Variants in TRDN observed in about 807,000 individuals in gnomAD.
TRDN encodes triadin in skeletal muscle.
A neutral mutation model predicts 149.7 loss-of-function variants in TRDN; 161 were observed. The ratio of observed to expected loss-of-function variants is 1.08; its 90% CI spans 0.95 to 1.23. TRDN has a LOEUF of 1.23. Among genes scored for constraint, TRDN ranks in the 50% most tolerant of loss-of-function variants. TRDN has a pLI of 0.00. For synonymous variants in TRDN, 294 were observed against 250.5 expected, an observed-to-expected ratio of 1.17 and a Z score of -1.64; for missense variants, 896 against 823.5, an observed-to-expected ratio of 1.09 and a Z score of -1.08.
At chr6:123,464,365 T>C (rs962016971) in intron 10 of TRDN, 2 of 973,154 alleles carry the variant, frequency 2.1e-6, no homozygotes, top group African/African-American at 1.8e-5. Flanking sequence ...TACATATACA[T>C]AAAACAGTAT....
intron 21 of TRDN, among the ~76,000 whole-genome samples, chr6:123,343,871 T>G (rs1402719727): frequency 6.6e-6 from 1 of 152,058 alleles, no homozygotes; most frequent in Non-Finnish European, 1.5e-5. Context: ...AATTCATATG[T>G]TGAAATCCTA....
chr6:123,249,509 G>A (rs997758176), intron 38 of TRDN, among the ~76,000 whole-genome samples: 1 of 152,064 alleles, frequency 6.6e-6, no homozygotes, highest in Non-Finnish European at 1.5e-5. Context: ...ATTCACAATA[G>A]CAAAGTCATG....
chr6:123,312,075 T>C (rs927942150), intron 24 of TRDN, among the ~76,000 whole-genome samples: 10 of 151,958 alleles, frequency 6.6e-5, no homozygotes, highest in Non-Finnish European at 1.5e-4. Flanking sequence ...CACATTGGCA[T>C]TAGAGAATCT....
intron 1 of TRDN, among the ~76,000 whole-genome samples, chr6:123,597,902 T>C (rs149330043): frequency 6.6e-6 from 1 of 152,278 alleles, no homozygotes; most frequent in African/African-American, 2.4e-5. Flanking sequence ...AATGGCTTTA[T>C]TGCAGTGATC....
At chr6:123,483,806 T>C (rs1326487507) in intron 9 of TRDN, among the ~76,000 whole-genome samples, 1 of 152,192 alleles carries the variant, frequency 6.6e-6, no homozygotes, top group Admixed American at 6.5e-5. Context: ...ACTGCTGAGA[T>C]TGATTAATAG....
chr6:123,631,957 C>G (rs1382194464), intron 1 of TRDN, among the ~76,000 whole-genome samples: 1 of 152,000 alleles, frequency 6.6e-6, no homozygotes, highest in Non-Finnish European at 1.5e-5. Context: ...AAGACAACCA[C>G]AATACGGTTA....
intron 1 of TRDN, among the ~76,000 whole-genome samples, chr6:123,584,955 T>C (rs1312133195): frequency 6.6e-6 from 1 of 151,890 alleles, no homozygotes; most frequent in Non-Finnish European, 1.5e-5. Flanking sequence ...GTAAGGAGAG[T>C]TTATAGGCTT....
rs192672519 is a variant in TRDN, at chr6:123,489,247, A to G, written c.853+7946T>C. Reference sequence around the variant, plus strand: ...AAGCAAAAAAGGGATTTGGGAGAACATGTACATATATATCTTTTAATCATT... The same window carrying G: ...AAGCAAAAAAGGGATTTGGGAGAACGTGTACATATATATCTTTTAATCATT... On this transcript the variant is annotated intron_variant, in intron 9 of 40. Coordinates refer to ENST00000334268, the MANE Select transcript of TRDN (RefSeq NM_006073.4). Among the ~76,000 whole-genome samples, 798 of 152,228 alleles carry G rather than the reference A, an allele frequency of 5.2e-3. 6 individuals carry two copies. Among genetic ancestry groups the G allele is most frequent in the African/African-American group, 0.018 (740 of 41,550 alleles).
intron 22 of TRDN, among the ~76,000 whole-genome samples, chr6:123,336,146 C>T (rs1448294650): frequency 2.0e-5 from 3 of 151,842 alleles, no homozygotes; most frequent in African/African-American, 7.3e-5. Context: ...ATAAGGTCTA[C>T]ACTCAAAGCA....
intron 9 of TRDN, among the ~76,000 whole-genome samples, chr6:123,488,529 T>C (rs1778070859): frequency 6.6e-6 from 1 of 152,160 alleles, no homozygotes. Context: ...ATCTTTTACT[T>C]TCCTATCTTT....
intron 12 of TRDN, among the ~76,000 whole-genome samples, chr6:123,413,076 G>A (rs1309489690): frequency 6.6e-6 from 1 of 152,068 alleles, no homozygotes; most frequent in Non-Finnish European, 1.5e-5. Context: ...CGAGGGAAAA[G>A]CAATATAAGA....
At position 123,309,993 on chromosome 6, in the gene TRDN, T is replaced by C. The variant is rs141022433; in HGVS notation, c.1510+6464A>G. ...AAGGATAACTGAATGAAATTAACTA[T>C]AGTACATATGGTACTACTGTAGTGA... On this transcript the variant is annotated intron_variant, in intron 24 of 40. Transcript: ENST00000334268. Among the ~76,000 whole-genome samples the C allele has an allele frequency of 3.2e-4, 49 of 152,176 alleles. No homozygotes were observed. In the East Asian group the frequency reaches 7.7e-3, roughly 24 times the overall value.
intron 24 of TRDN, among the ~76,000 whole-genome samples, chr6:123,300,788 T>C (rs1246863017): frequency 6.6e-6 from 1 of 152,036 alleles, no homozygotes; most frequent in African/African-American, 2.4e-5. Context: ...TGCTGTCTCA[T>C]GTACTTACTA....
At chr6:123,392,893 C>T (rs765363779) in intron 13 of TRDN, among the ~76,000 whole-genome samples, 1 of 152,020 alleles carries the variant, frequency 6.6e-6, no homozygotes, top group South Asian at 2.1e-4. Context: ...AATTGTACCA[C>T]CACCTATGTG....
chr6:123,229,817 G>A (rs569492737), intron 38 of TRDN, among the ~76,000 whole-genome samples: 1 of 152,014 alleles, frequency 6.6e-6, no homozygotes, highest in African/African-American at 2.4e-5. Flanking sequence ...CCAATGGTAG[G>A]TATGGTATAT....
intron 27 of TRDN, among the ~76,000 whole-genome samples, chr6:123,273,806 A>G (rs908531878): frequency 1.1e-4 from 16 of 152,024 alleles, no homozygotes; most frequent in African/African-American, 3.6e-4. Flanking sequence ...AATCTTTTAT[A>G]ATGAAGAAAT....
At position 123,260,486 on chromosome 6, in the gene TRDN, T is replaced by C. The variant is rs544894884; in HGVS notation, c.1831+126A>G. Reference sequence around the variant, plus strand: ...TTTTGGGAAGTCATTATGCCTGTTCTGTAGAACAGAATATCTGGAATTTGA... The same window carrying C: ...TTTTGGGAAGTCATTATGCCTGTTCCGTAGAACAGAATATCTGGAATTTGA... On this transcript the variant is annotated intron_variant, in intron 34 of 40. Coordinates refer to ENST00000334268, the MANE Select transcript of TRDN (RefSeq NM_006073.4). 65 of 1,068,216 alleles carry C rather than the reference T, an allele frequency of 6.1e-5. No individual in the cohort carries two copies. In the African/African-American group the frequency reaches 9.6e-4, roughly 16 times the overall value. 66.2% of individuals were successfully genotyped at this position (1,068,216 alleles called of 1,614,324 possible).
intron 1 of TRDN, among the ~76,000 whole-genome samples, chr6:123,587,043 G>T (rs1783530391): frequency 6.6e-6 from 1 of 151,836 alleles, no homozygotes; most frequent in Non-Finnish European, 1.5e-5. Flanking sequence ...GGGACTTGCT[G>T]CTCAGGGTGA....
rs191350621 is a variant in TRDN at position 123,303,635 on chromosome 6, A to T, written c.1510+12822T>A. On this transcript the variant is annotated intron_variant, in intron 24 of 40. Coordinates refer to ENST00000334268, the MANE Select transcript of TRDN (RefSeq NM_006073.4). Reference sequence around the variant, plus strand: ...AGTGAAAGGGGAAGATTCAAAAGACATTGAGAAGAGAAAAATTCACAGAAC... The same window carrying T: ...AGTGAAAGGGGAAGATTCAAAAGACTTTGAGAAGAGAAAAATTCACAGAAC... Among the ~76,000 whole-genome samples, 91 of 152,304 alleles carry T rather than the reference A, an allele frequency of 6.0e-4. No individual in the cohort carries two copies. In the Middle Eastern group the frequency reaches 0.017, roughly 28 times the overall value.
Sources: gnomAD v4.1 joint callset for allele counts (sites outside exome capture counted in the v4.1 genomes callset) on GRCh38, gnomAD v4.1.1 for gene constraint, MANE v1.5 for transcripts, NCBI Gene and HGNC (gene_info 2026-07-23, HGNC 2026-07-21) for gene names.